Variants in NEGR1 observed in about 807,000 individuals in gnomAD.
The protein encoded by NEGR1 is IgLON family member 4.
NEGR1 carries 10 observed loss-of-function variants against 40.9 expected under a neutral mutation model. The ratio of observed to expected loss-of-function variants is 0.24; its 90% CI spans 0.15 to 0.42. The LOEUF is 0.42. Ranked by LOEUF, NEGR1 falls within the 10% of genes least tolerant of loss-of-function variation. NEGR1 has a pLI of 1.00. For synonymous variants in NEGR1, 185 were observed against 166.8 expected (o/e 1.11, Z -0.84); for missense variants, 352 against 438.9 (o/e 0.80, Z 1.77).
intron 3 of NEGR1, among the ~76,000 whole-genome samples, chr1:71,726,239 A>G (rs543112573): frequency 6.6e-6 from 1 of 152,086 alleles, no homozygotes; most frequent in African/African-American, 2.4e-5. Flanking sequence ...TAAAGTGTGG[A>G]TTTTTTTATC....
chr1:71,644,955 C>A (rs1474411920), intron 4 of NEGR1, among the ~76,000 whole-genome samples: 1 of 151,840 alleles, frequency 6.6e-6, no homozygotes, highest in Non-Finnish European at 1.5e-5. Flanking sequence ...CAAACAATTT[C>A]TCTCTTTAGT....
chr1:72,093,453 T>C (rs1369305120), intron 1 of NEGR1, among the ~76,000 whole-genome samples: 3 of 152,148 alleles, frequency 2.0e-5, no homozygotes, highest in Non-Finnish European at 2.9e-5. Context: ...TGAGTTCTCA[T>C]AGTTTTGGGG....
At chr1:72,233,949 T>C (rs1465642699) in intron 1 of NEGR1, among the ~76,000 whole-genome samples, 1 of 152,102 alleles carries the variant, frequency 6.6e-6, no homozygotes, top group Non-Finnish European at 1.5e-5. Flanking sequence ...TAGCCACAGC[T>C]TCCCCAAAAG....
chr1:72,093,281 A>G (rs1309281374), intron 1 of NEGR1, among the ~76,000 whole-genome samples: 1 of 145,764 alleles, frequency 6.9e-6, no homozygotes, highest in Non-Finnish European at 1.5e-5. Context: ...CAGTGAGCAA[A>G]GACTGTGCCA....
chr1:71,705,706 TGA>T (rs1443603789), intron 3 of NEGR1, among the ~76,000 whole-genome samples: 1 of 140,714 alleles, frequency 7.1e-6, no homozygotes, highest in Non-Finnish European at 1.5e-5. Context: ...GGCGACAGAG[TGA>T]GACTCAGTAA....
At chr1:71,587,589 A>T (rs896321009) in intron 6 of NEGR1, among the ~76,000 whole-genome samples, 2 of 152,098 alleles carry the variant, frequency 1.3e-5, no homozygotes, top group Admixed American at 6.6e-5. Flanking sequence ...TGAATGTGTT[A>T]TGTGTAATAT....
rs117792482 is a variant in NEGR1, at chr1:71,913,899, T to C, written c.409+21180A>G. On this transcript the variant is annotated intron_variant, in intron 2 of 6. Transcript: ENST00000357731. ...TGATAACTAAGTACACTCCTTAGTG[T>C]ATGCAAGACAAACAATATTTTTCCC... Among the ~76,000 whole-genome samples the C allele has an allele frequency of 3.3e-5, 5 of 151,866 alleles. No homozygotes were observed. In the East Asian group the frequency reaches 5.8e-4, roughly 18 times the overall value.
At chr1:71,975,644 T>C (rs988793828) in intron 1 of NEGR1, among the ~76,000 whole-genome samples, 7 of 152,160 alleles carry the variant, frequency 4.6e-5, no homozygotes, top group African/African-American at 1.7e-4. Context: ...AAACATAATC[T>C]GTAGAGTAAA....
At chr1:71,979,215 G>C (rs1436042917) in intron 1 of NEGR1, among the ~76,000 whole-genome samples, 2 of 152,078 alleles carry the variant, frequency 1.3e-5, no homozygotes, top group Non-Finnish European at 2.9e-5. Flanking sequence ...TGAAGGTAAA[G>C]GGTGGGAGGA....
At chr1:72,024,415 A>G (rs1646789032) in intron 1 of NEGR1, among the ~76,000 whole-genome samples, 1 of 152,096 alleles carries the variant, frequency 6.6e-6, no homozygotes, top group Non-Finnish European at 1.5e-5. Context: ...CTCAATTTTA[A>G]AGAAAATTCT....
At chr1:71,657,362 A>T (rs2101587610) in intron 4 of NEGR1, among the ~76,000 whole-genome samples, 1 of 152,342 alleles carries the variant, frequency 6.6e-6, no homozygotes, top group East Asian at 1.9e-4. Flanking sequence ...GGGGAATTAA[A>T]TTCTCATGTT....
intron 1 of NEGR1, among the ~76,000 whole-genome samples, chr1:72,030,380 C>A (rs945134018): frequency 6.6e-6 from 1 of 151,942 alleles, no homozygotes; most frequent in African/African-American, 2.4e-5. Flanking sequence ...CTAATAACTA[C>A]AGATACTACT....
At chr1:72,225,888 ATTT>A in intron 1 of NEGR1, among the ~76,000 whole-genome samples, 1 of 151,870 alleles carries the variant, frequency 6.6e-6, no homozygotes, top group East Asian at 1.9e-4. Flanking sequence ...AAGTGAATTG[ATTT>A]TTTATTATTT....
At chr1:71,453,564 A>C (rs1646648796) in intron 6 of NEGR1, among the ~76,000 whole-genome samples, 1 of 152,224 alleles carries the variant, frequency 6.6e-6, no homozygotes, top group Non-Finnish European at 1.5e-5. Context: ...CGGGCGAGAA[A>C]TAGAAAAACC....
chr1:71,815,739 C>T (rs538127), intron 2 of NEGR1, among the ~76,000 whole-genome samples: 99,620 of 151,816 alleles, frequency 0.66, 33,395 homozygotes, highest in African/African-American at 0.79. Flanking sequence ...TAGTAGGTAT[C>T]TCCCTTCCTT....
intron 2 of NEGR1, among the ~76,000 whole-genome samples, chr1:71,786,021 T>C (rs1656896729): frequency 6.6e-6 from 1 of 152,186 alleles, no homozygotes; most frequent in Non-Finnish European, 1.5e-5. Flanking sequence ...AACACCTTCT[T>C]TGAAGTACTC....
intron 6 of NEGR1, among the ~76,000 whole-genome samples, chr1:71,414,123 T>C (rs1480146779): frequency 6.6e-6 from 1 of 152,114 alleles, no homozygotes; most frequent in East Asian, 1.9e-4. Context: ...ATATACCTAG[T>C]GGGAAGCAAA....
chr1:71,574,162 G>A (rs932717982), intron 6 of NEGR1, among the ~76,000 whole-genome samples: 1 of 152,284 alleles, frequency 6.6e-6, no homozygotes, highest in South Asian at 2.1e-4. Flanking sequence ...ACTCAATATT[G>A]TTCTCTTGTA....
At chr1:71,845,746 C>T (rs1397563868) in intron 2 of NEGR1, among the ~76,000 whole-genome samples, 1 of 151,994 alleles carries the variant, frequency 6.6e-6, no homozygotes. Context: ...TACCTACCTA[C>T]CTACCTACCT....
Sources: gnomAD v4.1 joint callset for allele counts (sites outside exome capture counted in the v4.1 genomes callset) on GRCh38, gnomAD v4.1.1 for gene constraint, MANE v1.5 for transcripts, NCBI Gene and HGNC (gene_info 2026-07-23, HGNC 2026-07-21) for gene names.